Variants in COX7B2 observed in about 807,000 individuals in gnomAD.
COX7B2 encodes the protein cytochrome c oxidase subunit 7B2, mitochondrial.
For synonymous variants in COX7B2, 37 were observed against 32.1 expected (o/e 1.15, Z -0.51); for missense variants, 109 against 95.9 (o/e 1.14, Z -0.57).
chr4:46,863,065 A>C (rs1298104914), intron 1 of COX7B2, among the ~76,000 whole-genome samples: 2 of 152,146 alleles, frequency 1.3e-5, no homozygotes, highest in Non-Finnish European at 2.9e-5. Context: ...AGGTTTATAT[A>C]ATATGTGCCA....
chr4:46,900,012 A>C (rs1447099146), intron 1 of COX7B2, among the ~76,000 whole-genome samples: 1 of 152,156 alleles, frequency 6.6e-6, no homozygotes, highest in East Asian at 1.9e-4. Context: ...CTTTAATTTC[A>C]TTTCTCATAA....
chr4:46,869,706 C>T lies in COX7B2; in HGVS notation c.-104-24692G>A, dbSNP rs544231773. Among the ~76,000 whole-genome samples, 4 of 152,170 alleles carry T rather than the reference C, an allele frequency of 2.6e-5. No individual in the cohort carries two copies. In the South Asian group the frequency reaches 8.3e-4, roughly 32 times the overall value. On this transcript the variant is annotated intron_variant, in intron 1 of 2. Coordinates refer to ENST00000355591, the MANE Select transcript of COX7B2 (RefSeq NM_130902.3). ...ATAATGTTGAATATAGGCCCCCAAACTCTTCTGGCTTGTAGGATTTCAGCT... is the reference window on the plus strand; with the variant it reads ...ATAATGTTGAATATAGGCCCCCAAATTCTTCTGGCTTGTAGGATTTCAGCT...
intron 2 of COX7B2, among the ~76,000 whole-genome samples, chr4:46,839,992 A>C (rs1715821020): frequency 6.6e-6 from 1 of 152,116 alleles, no homozygotes. Flanking sequence ...TTGATGCAAC[A>C]GTAAACCCAG....
chr4:46,749,772 T>C (rs180828129), intron 2 of COX7B2, among the ~76,000 whole-genome samples: 2 of 152,264 alleles, frequency 1.3e-5, no homozygotes, highest in African/African-American at 2.4e-5. Flanking sequence ...ATTAGAAAGG[T>C]TGTGTCAGGC....
rs913119790 is a variant in COX7B2 at position 46,823,245 on chromosome 4, A to G, written c.-50+21715T>C. Among the ~76,000 whole-genome samples the G allele has an allele frequency of 3.3e-5, 5 of 152,024 alleles. No homozygotes were observed. In the South Asian group the frequency reaches 6.2e-4, roughly 19 times the overall value. On this transcript the variant is annotated intron_variant, in intron 2 of 2. Coordinates refer to ENST00000355591, the MANE Select transcript of COX7B2 (RefSeq NM_130902.3). ...TACATCACCACTATTTATCTTATAC[A>G]ATAAAAGCCTTGATCTGTAGGTAGA... is the stretch of plus-strand genomic sequence containing the variant.
At chr4:46,888,488 G>A (rs1363420341) in intron 1 of COX7B2, among the ~76,000 whole-genome samples, 1 of 150,628 alleles carries the variant, frequency 6.6e-6, no homozygotes, top group African/African-American at 2.4e-5. Flanking sequence ...CTGTTGCCCA[G>A]GCTGGAGTGC....
intron 2 of COX7B2, among the ~76,000 whole-genome samples, chr4:46,741,233 T>C (rs1362267889): frequency 2.6e-5 from 4 of 152,120 alleles, no homozygotes; most frequent in Admixed American, 2.6e-4. Flanking sequence ...CAGAGGAAGA[T>C]GAAGCTCAAG....
At chr4:46,878,305 C>T (rs1718473286) in intron 1 of COX7B2, among the ~76,000 whole-genome samples, 1 of 151,794 alleles carries the variant, frequency 6.6e-6, no homozygotes, top group South Asian at 2.1e-4. Context: ...TATAGGATGA[C>T]TAAATCTAGA....
At chr4:46,754,325 A>C (rs953900358) in intron 2 of COX7B2, among the ~76,000 whole-genome samples, 9 of 151,608 alleles carry the variant, frequency 5.9e-5, no homozygotes, top group African/African-American at 2.2e-4. Context: ...AATGTCCAAC[A>C]ATGATAGACT....
intron 2 of COX7B2, among the ~76,000 whole-genome samples, chr4:46,758,955 C>A (rs1715963998): frequency 6.6e-6 from 1 of 152,128 alleles, no homozygotes; most frequent in Non-Finnish European, 1.5e-5. Context: ...AATCTCAAAA[C>A]TGCCTAAAGG....
chr4:46,833,568 T>C (rs1280810723), intron 2 of COX7B2, among the ~76,000 whole-genome samples: 3 of 152,054 alleles, frequency 2.0e-5, no homozygotes, highest in Admixed American at 6.6e-5. Context: ...AGAAACTCAA[T>C]GAAAAATCTA....
chr4:46,907,114 T>C (rs1020753544), intron 1 of COX7B2, among the ~76,000 whole-genome samples: 7 of 152,196 alleles, frequency 4.6e-5, no homozygotes, highest in African/African-American at 1.7e-4. Flanking sequence ...CTCTTTCTCT[T>C]TTTGATTAAT....
At chr4:46,805,585 T>C (rs1292246695) in intron 2 of COX7B2, among the ~76,000 whole-genome samples, 1 of 152,172 alleles carries the variant, frequency 6.6e-6, no homozygotes, top group East Asian at 1.9e-4. Flanking sequence ...GGATAACAAA[T>C]AGTAAATATG....
intron 1 of COX7B2, among the ~76,000 whole-genome samples, chr4:46,868,465 T>C (rs74895110): frequency 0.013 from 2,022 of 152,342 alleles, 24 homozygotes; most frequent in Non-Finnish European, 0.02. Context: ...GAAGTTAATA[T>C]TGTTAATCTG....
At chr4:46,831,431 C>T (rs1014995527) in intron 2 of COX7B2, among the ~76,000 whole-genome samples, 3 of 152,280 alleles carry the variant, frequency 2.0e-5, no homozygotes, top group Middle Eastern at 3.4e-3. Flanking sequence ...CTGAGGAGTG[C>T]GGGCGCATGG....
chr4:46,760,875 G>A (rs1400000840), intron 2 of COX7B2, among the ~76,000 whole-genome samples: 1 of 152,060 alleles, frequency 6.6e-6, no homozygotes, highest in African/African-American at 2.4e-5. Flanking sequence ...ATTCAACAAA[G>A]AAATGAAGAA....
intron 1 of COX7B2, among the ~76,000 whole-genome samples, chr4:46,877,907 C>G (rs2109839128): frequency 6.6e-6 from 1 of 152,114 alleles, no homozygotes; most frequent in Non-Finnish European, 1.5e-5. Flanking sequence ...GAAGTTAGCA[C>G]CCTTTAGAGA....
At chr4:46,847,915 C>A (rs901287531) in intron 1 of COX7B2, among the ~76,000 whole-genome samples, 1 of 152,006 alleles carries the variant, frequency 6.6e-6, no homozygotes, top group Non-Finnish European at 1.5e-5. Flanking sequence ...CTCTATTTTA[C>A]CCCCTCTTAG....
At chr4:46,893,696 A>C (rs74429513) in intron 1 of COX7B2, among the ~76,000 whole-genome samples, 1,607 of 152,314 alleles carry the variant, frequency 0.011, 26 homozygotes, top group African/African-American at 0.037. Context: ...CATGCAGCAA[A>C]GTAGAAGAAA....
Sources: allele counts gnomAD v4.1 joint callset (sites outside exome capture counted in the v4.1 genomes callset), GRCh38; gene constraint gnomAD v4.1.1; transcripts MANE v1.5; gene names NCBI Gene and HGNC (gene_info 2026-07-23, HGNC 2026-07-21).